The following ZNF638 variants were observed in gnomAD, a reference collection of about 807,000 sequenced individuals.
ZNF638 encodes CTCL tumor antigen se33-1.
A neutral mutation model predicts 195.6 loss-of-function variants in ZNF638; 46 were observed. The observed-to-expected ratio is 0.24, with a 90% CI of 0.19 to 0.30. ZNF638 has a LOEUF of 0.30. ZNF638 is among the 10% of genes least tolerant of loss of function. ZNF638 has a pLI of 1.00. For synonymous variants in ZNF638, 845 were observed against 772.0 expected (o/e 1.09, Z -1.57); for missense variants, 2,440 against 2,325.3 (o/e 1.05, Z -1.01).
intron 27 of ZNF638, among the ~76,000 whole-genome samples, chr2:71,433,805 C>G (rs1424608126): frequency 6.6e-6 from 1 of 152,200 alleles, no homozygotes; most frequent in Non-Finnish European, 1.5e-5. Flanking sequence ...GTGGCACAGA[C>G]ACTCATCTAA....
chr2:71,390,732 A>G (rs2079755955), intron 10 of ZNF638, among the ~76,000 whole-genome samples: 1 of 152,132 alleles, frequency 6.6e-6, no homozygotes, highest in South Asian at 2.1e-4. Flanking sequence ...ACAGGGGTGA[A>G]TATTTCGATT....
At chr2:71,393,939 A>G (rs887966839) in intron 10 of ZNF638, among the ~76,000 whole-genome samples, 18 of 152,200 alleles carry the variant, frequency 1.2e-4, no homozygotes, top group African/African-American at 4.3e-4. Flanking sequence ...GCCGAAACAC[A>G]ATTATGGCTA....
intron 1 of ZNF638, among the ~76,000 whole-genome samples, chr2:71,335,920 A>G (rs2078658503): frequency 6.6e-6 from 1 of 152,250 alleles, no homozygotes; most frequent in African/African-American, 2.4e-5. Flanking sequence ...TAATTCATTT[A>G]TAATTGGTTA....
intron 23 of ZNF638, among the ~76,000 whole-genome samples, chr2:71,425,413 T>C (rs1311535559): frequency 6.6e-6 from 1 of 152,190 alleles, no homozygotes; most frequent in Non-Finnish European, 1.5e-5. Context: ...AATTTGATAG[T>C]ACAATCGCTT....
chr2:71,423,846 T>C lies in ZNF638; in HGVS notation c.4332T>C (p.Ser1444=), dbSNP rs1457370248. 1 of 1,614,018 alleles carries C rather than the reference T, an allele frequency of 6.2e-7. No homozygotes were observed. Among genetic ancestry groups the C allele is most frequent in the Non-Finnish European group, 8.5e-7 (1 of 1,180,020 alleles). Residue 1444 remains serine, a synonymous_variant, in exon 22 of 28, where the codon AGT becomes AGC. Coordinates refer to ENST00000264447, the MANE Select transcript of ZNF638 (RefSeq NM_014497.5). ...AKEFGLLKPT[S]ARSGLAESSS... is the part of the protein sequence containing the mutation. The stretch of plus-strand genomic sequence containing the variant: ...AATTTGGTCTGCTTAAACCCACAAG[T>C]GCCAGGTCAGGCTTGGCAGAAAGCA...
intron 1 of ZNF638, among the ~76,000 whole-genome samples, chr2:71,334,097 GT>G: frequency 6.6e-6 from 1 of 152,106 alleles, no homozygotes; most frequent in South Asian, 2.1e-4. Flanking sequence ...AATATATATT[GT>G]AACCATTTAT....
At chr2:71,375,427 A>G (rs1183462649) in intron 8 of ZNF638, 1 of 152,174 alleles carries the variant, frequency 6.6e-6, no homozygotes, top group African/African-American at 2.4e-5. Flanking sequence ...CATTTGTAAG[A>G]TGGTTTCTGC....
chr2:71,404,052 G>T, intron 17 of ZNF638, 54 bp downstream of exon 17: 1 of 1,532,858 alleles, frequency 6.5e-7, no homozygotes, highest in Non-Finnish European at 8.8e-7. Flanking sequence ...AATCAGATTT[G>T]TTACAGTCTG....
At chr2:71,367,753 A>ATTT (rs2079228880) in intron 6 of ZNF638, among the ~76,000 whole-genome samples, 1 of 87,356 alleles carries the variant, frequency 1.1e-5, no homozygotes, top group African/African-American at 3.5e-5. Flanking sequence ...TTTTTTTTTA[A>ATTT]AAATATAGAG....
intron 10 of ZNF638, among the ~76,000 whole-genome samples, chr2:71,388,979 TAAAC>T (rs1184640122): frequency 6.6e-6 from 1 of 152,088 alleles, no homozygotes; most frequent in Non-Finnish European, 1.5e-5. Flanking sequence ...GGAGAAATCT[TAAAC>T]AATACCATAA....
At chr2:71,347,294 G>A (rs906791077) in intron 1 of ZNF638, among the ~76,000 whole-genome samples, 12 of 152,298 alleles carry the variant, frequency 7.9e-5, no homozygotes, top group Non-Finnish European at 8.8e-5. Flanking sequence ...TGAGATATTT[G>A]TGGATTTTTG....
At position 71,422,922 on chromosome 2, in the gene ZNF638, A is replaced by G. The variant is rs930297803; in HGVS notation, c.3408A>G (p.Gln1136=). ...ELEEESTPSI[Q]TETLVQQEEP... is the part of the protein sequence containing the mutation. Reference sequence around the variant, plus strand: ...AAGAAGAAAGTACTCCCAGCATTCAAACAGAAACTTTGGTACAGCAGGAAG... The same window carrying G: ...AAGAAGAAAGTACTCCCAGCATTCAGACAGAAACTTTGGTACAGCAGGAAG... Residue 1136 remains glutamine (Q), a synonymous_variant, in exon 22 of 28, where the codon CAA becomes CAG. Transcript: ENST00000264447. 1.9e-6 allele frequency: 3 copies of G among 1,614,148 alleles called. No individual in the cohort carries two copies. Among genetic ancestry groups the G allele is most frequent in the Non-Finnish European group, 1.7e-6 (2 of 1,179,998 alleles).
At chr2:71,410,154 T>C (rs2080183277) in intron 20 of ZNF638, among the ~76,000 whole-genome samples, 1 of 152,178 alleles carries the variant, frequency 6.6e-6, no homozygotes, top group Non-Finnish European at 1.5e-5. Context: ...AGGATTTATA[T>C]TATTAATTCT....
intron 1 of ZNF638, among the ~76,000 whole-genome samples, chr2:71,336,957 C>T (rs1558824709): frequency 1.3e-5 from 2 of 152,236 alleles, no homozygotes; most frequent in East Asian, 3.9e-4. Flanking sequence ...TGGGTATCTT[C>T]AGATCAGTGG....
At chr2:71,374,193 T>C (rs2079374778) in intron 8 of ZNF638, 2 of 152,240 alleles carry the variant, frequency 1.3e-5, no homozygotes, top group Non-Finnish European at 2.9e-5. Flanking sequence ...TATTCCTTAA[T>C]CTATTATTTG....
At chr2:71,364,661 A>G (rs2079164867) in intron 5 of ZNF638, among the ~76,000 whole-genome samples, 1 of 152,252 alleles carries the variant, frequency 6.6e-6, no homozygotes, top group African/African-American at 2.4e-5. Flanking sequence ...ACCATAGTTA[A>G]TATCTGAGAA....
chr2:71,367,415 C>G (rs1169174097), intron 6 of ZNF638, among the ~76,000 whole-genome samples: 1 of 147,510 alleles, frequency 6.8e-6, no homozygotes, highest in Non-Finnish European at 1.5e-5. Flanking sequence ...GCCAACACAC[C>G]CAGCTGGGTG....
At chr2:71,425,320 G>A (rs1298829094) in intron 23 of ZNF638, among the ~76,000 whole-genome samples, 1 of 152,042 alleles carries the variant, frequency 6.6e-6, no homozygotes, top group African/African-American at 2.4e-5. Context: ...GCAGAAATAA[G>A]GATTATGGCT....
rs2079448800 is a variant in ZNF638, at chr2:71,377,306, C to CT, written c.2266-2913dup. On this transcript the variant is annotated intron_variant, in intron 8 of 27. Transcript: ENST00000264447. The stretch of plus-strand genomic sequence containing the variant: ...GTAGGATCAGATTTCTAATAAAACG[C>CT]TTTCAGCCATGACATACTACTGCAT... Among the ~76,000 whole-genome samples, 7 of 152,186 alleles carry CT rather than the reference C, an allele frequency of 4.6e-5. 1 individual carries two copies. In the South Asian group the frequency reaches 1.0e-3, roughly 23 times the overall value.
Sources: gnomAD v4.1 joint callset for allele counts (sites outside exome capture counted in the v4.1 genomes callset) on GRCh38, gnomAD v4.1.1 for gene constraint, MANE v1.5 for transcripts, NCBI Gene and HGNC (gene_info 2026-07-23, HGNC 2026-07-21) for gene names.